Variants in NOL4 observed in about 807,000 individuals in gnomAD.
The protein encoded by NOL4 is nucleolar protein 4.
NOL4 carries 17 observed loss-of-function variants against 75.9 expected under a neutral mutation model. The ratio of observed to expected loss-of-function variants is 0.22; its 90% CI spans 0.15 to 0.34. NOL4 has a LOEUF of 0.34. Among genes scored for constraint, NOL4 ranks in the 10% least tolerant of loss-of-function variants. NOL4 has a pLI of 1.00. For synonymous variants in NOL4, 292 were observed against 289.9 expected, an observed-to-expected ratio of 1.01 and a Z score of -0.07; for missense variants, 614 against 793.5, an observed-to-expected ratio of 0.77 and a Z score of 2.72.
chr18:33,928,119 T>C lies in NOL4; in HGVS notation c.1542+14946A>G, dbSNP rs910165069. On this transcript the variant is annotated intron_variant, in intron 9 of 10. Coordinates refer to ENST00000261592, the MANE Select transcript of NOL4 (RefSeq NM_003787.5). ...ATCCACGTGGCATAAACCAAATATG[T>C]CAGGTCTTCGTTTATCCACTAAGCC... 6.6e-5 allele frequency among the ~76,000 whole-genome samples: 10 copies of C among 152,282 alleles called. 1 individual carries two copies. The Middle Eastern group carries it at 0.024, about 363-fold the overall frequency.
chr18:34,194,725 A>G (rs2035194845), intron 1 of NOL4, among the ~76,000 whole-genome samples: 1 of 152,126 alleles, frequency 6.6e-6, no homozygotes, highest in African/African-American at 2.4e-5. Flanking sequence ...TGTAATTAAT[A>G]TAAAAACTAC....
At chr18:34,151,768 T>C (rs1468723741) in intron 1 of NOL4, among the ~76,000 whole-genome samples, 1 of 151,876 alleles carries the variant, frequency 6.6e-6, no homozygotes, top group Non-Finnish European at 1.5e-5. Context: ...TGCAGGATGT[T>C]GATAGCAGGG....
intron 9 of NOL4, among the ~76,000 whole-genome samples, chr18:33,888,471 T>C (rs1475171567): frequency 2.0e-5 from 3 of 152,170 alleles, no homozygotes; most frequent in Admixed American, 2.0e-4. Flanking sequence ...GCTTTTGGTA[T>C]TTTAGACATG....
At chr18:34,067,484 A>G (rs2077330485) in intron 5 of NOL4, among the ~76,000 whole-genome samples, 1 of 152,232 alleles carries the variant, frequency 6.6e-6, no homozygotes, top group Admixed American at 6.5e-5. Flanking sequence ...ATACAAGAGT[A>G]GAAGCAAGGA....
At chr18:34,207,211 TTC>T (rs1346062158) in intron 1 of NOL4, among the ~76,000 whole-genome samples, 1 of 152,220 alleles carries the variant, frequency 6.6e-6, no homozygotes, top group Non-Finnish European at 1.5e-5. Context: ...TCTGATTTTT[TTC>T]TTTTTTAAGA....
At chr18:34,199,620 C>T (rs1409666894) in intron 1 of NOL4, among the ~76,000 whole-genome samples, 2 of 151,992 alleles carry the variant, frequency 1.3e-5, no homozygotes, top group East Asian at 1.9e-4. Context: ...AAGATGAACA[C>T]GTCAGTGTTC....
chr18:33,934,861 CGTTT>C (rs2067950704), intron 9 of NOL4, among the ~76,000 whole-genome samples: 2 of 141,478 alleles, frequency 1.4e-5, no homozygotes, highest in Admixed American at 7.1e-5. Flanking sequence ...TGGAGTAGCA[CGTTT>C]TTTTTTTTTT....
intron 1 of NOL4, among the ~76,000 whole-genome samples, chr18:34,138,147 C>CA (rs750885363): frequency 1.2e-4 from 18 of 152,172 alleles, no homozygotes; most frequent in Admixed American, 3.3e-4. Flanking sequence ...TGTGGTGGCT[C>CA]ATGCCTGTAA....
intron 4 of NOL4, among the ~76,000 whole-genome samples, chr18:34,094,739 GTGC>G (rs1423199692): frequency 6.6e-6 from 1 of 152,158 alleles, no homozygotes; most frequent in African/African-American, 2.4e-5. Context: ...AGCAGTAGTA[GTGC>G]TGCTATTTAT....
chr18:34,012,730 A>G (rs900166647), intron 6 of NOL4, among the ~76,000 whole-genome samples: 7 of 152,030 alleles, frequency 4.6e-5, no homozygotes, highest in African/African-American at 1.7e-4. Context: ...CATTCTTTTC[A>G]TGGTATAAAG....
chr18:34,115,113 G>C (rs2079787999), intron 2 of NOL4, among the ~76,000 whole-genome samples: 1 of 152,106 alleles, frequency 6.6e-6, no homozygotes, highest in Admixed American at 6.5e-5. Context: ...CATAGATAAG[G>C]AAGCAAGTTC....
intron 9 of NOL4, among the ~76,000 whole-genome samples, chr18:33,940,480 A>G (rs557861314): frequency 2.6e-5 from 4 of 152,132 alleles, no homozygotes; most frequent in South Asian, 2.1e-4. Context: ...GTTCTCACTC[A>G]TAAGTGGGAG....
intron 5 of NOL4, among the ~76,000 whole-genome samples, chr18:34,070,888 CAA>C: frequency 6.6e-6 from 1 of 152,080 alleles, no homozygotes; most frequent in South Asian, 2.1e-4. Context: ...AATTTATGAA[CAA>C]GTGTAATATA....
At chr18:34,106,996 T>C (rs991435506) in intron 2 of NOL4, among the ~76,000 whole-genome samples, 26 of 152,126 alleles carry the variant, frequency 1.7e-4, no homozygotes, top group Non-Finnish European at 2.9e-4. Context: ...AGATTTCTAT[T>C]AAATTTTTTA....
intron 9 of NOL4, among the ~76,000 whole-genome samples, chr18:33,917,182 G>A (rs930977257): frequency 6.6e-6 from 1 of 152,030 alleles, no homozygotes; most frequent in Non-Finnish European, 1.5e-5. Flanking sequence ...TGCCTTTTGT[G>A]AGGTCTTGCA....
At chr18:34,180,557 G>A (rs966293343) in intron 1 of NOL4, among the ~76,000 whole-genome samples, 7 of 151,456 alleles carry the variant, frequency 4.6e-5, no homozygotes, top group Non-Finnish European at 7.4e-5. Context: ...TCAGGAAGGA[G>A]ACAAGAGTGT....
chr18:34,213,582 A>G (rs1284029068), intron 1 of NOL4, among the ~76,000 whole-genome samples: 4 of 152,154 alleles, frequency 2.6e-5, no homozygotes, highest in Non-Finnish European at 4.4e-5. Flanking sequence ...GCCACTGCGC[A>G]TGGCCTCTGT....
At chr18:34,120,319 A>G (rs2080080732) in intron 2 of NOL4, among the ~76,000 whole-genome samples, 1 of 152,222 alleles carries the variant, frequency 6.6e-6, no homozygotes, top group Admixed American at 6.5e-5. Flanking sequence ...CATACATTTT[A>G]CATCATAAGC....
chr18:33,968,196 G>C (rs1480371007), intron 6 of NOL4, among the ~76,000 whole-genome samples: 3 of 152,162 alleles, frequency 2.0e-5, no homozygotes, highest in Non-Finnish European at 2.9e-5. Context: ...ATGTAAATGA[G>C]TTCAGCCACT....
Sources: allele counts gnomAD v4.1 joint callset (sites outside exome capture counted in the v4.1 genomes callset), GRCh38; gene constraint gnomAD v4.1.1; transcripts MANE v1.5; gene names NCBI Gene and HGNC (gene_info 2026-07-23, HGNC 2026-07-21).